Variants in PABIR3 observed in about 807,000 individuals in gnomAD.
PABIR3 encodes the protein PABIR family member 1.
PABIR3 carries 20 observed loss-of-function variants against 23.1 expected under a neutral mutation model. The ratio of observed to expected loss-of-function variants is 0.86; its 90% CI spans 0.61 to 1.26. The LOEUF is 1.26. Ranked by LOEUF, PABIR3 falls within the 50% of genes most tolerant of loss-of-function variation. PABIR3 has a pLI of 0.00. For missense variants in PABIR3, 189 were observed against 195.4 expected (o/e 0.97, Z 0.20); for synonymous variants, 69 against 68.5 (o/e 1.01, Z -0.04).
At chrX:134,847,592 A>T (rs1463202257) in intron 7 of PABIR3, 117 bp downstream of exon 7, 1 of 510,437 alleles carries the variant, frequency 2.0e-6, no homozygotes, top group Non-Finnish European at 3.2e-6. Flanking sequence ...AGTACATCTG[A>T]TTCTAACTAA....
intron 8 of PABIR3, among the ~76,000 whole-genome samples, chrX:134,848,345 G>A (rs1256837454): frequency 3.7e-5 from 4 of 108,658 alleles, no homozygotes; most frequent in African/African-American, 1.3e-4. Flanking sequence ...AGCTGAGATC[G>A]TGCCATTGCC....
chrX:134,804,018 G>T, upstream of PABIR3: 1 of 302,245 alleles, frequency 3.3e-6, no homozygotes, highest in Non-Finnish European at 5.9e-6. Context: ...GTAACTAAAG[G>T]TTACAACGTA....
chrX:134,845,587 A>G (rs1302365677), intron 6 of PABIR3, among the ~76,000 whole-genome samples, 186 bp downstream of exon 6: 5 of 110,972 alleles, frequency 4.5e-5, no homozygotes, highest in Non-Finnish European at 9.4e-5. Flanking sequence ...AGGTCTCACT[A>G]TGTTGTCCAG....
the PABIR3 span, among the ~76,000 whole-genome samples, chrX:134,860,776 C>T: frequency 8.9e-6 from 1 of 111,925 alleles, no homozygotes; most frequent in African/African-American, 3.2e-5. Context: ...GAAGTCTTGA[C>T]ACATGTTGCA....
At chrX:134,827,335 G>A (rs1332858594) in intron 3 of PABIR3, among the ~76,000 whole-genome samples, 1 of 110,821 alleles carries the variant, frequency 9.0e-6, no homozygotes, top group Admixed American at 9.7e-5. Context: ...GCCTTTCATG[G>A]CCACACTCCA....
At chrX:134,822,307 G>A (rs1181431376) in intron 3 of PABIR3, 3 of 749,769 alleles carry the variant, frequency 4.0e-6, no homozygotes, top group Non-Finnish European at 4.7e-6. Context: ...CTTTGCAAAC[G>A]CCACTTGTAG....
intron 2 of PABIR3, chrX:134,808,205 T>A (rs2080359473): frequency 1.0e-5 from 3 of 295,890 alleles, no homozygotes; most frequent in Middle Eastern, 8.8e-4. Context: ...TTTGTCTTTT[T>A]TTGAGACGGA....
intron 6 of PABIR3, among the ~76,000 whole-genome samples, chrX:134,845,834 A>T (rs1367334736): frequency 8.9e-6 from 1 of 112,543 alleles, no homozygotes; most frequent in Admixed American, 9.5e-5. Context: ...GCATAATAAA[A>T]GTTCAGTTGC....
intron 9 of PABIR3, among the ~76,000 whole-genome samples, chrX:134,849,770 G>A (rs1315711768): frequency 9.2e-6 from 1 of 108,713 alleles, no homozygotes. Context: ...AAGGGCAGTG[G>A]AAAGAATAAA....
intron 4 of PABIR3, among the ~76,000 whole-genome samples, chrX:134,838,438 C>T (rs1458099725): frequency 9.3e-6 from 1 of 107,764 alleles, no homozygotes; most frequent in Non-Finnish European, 1.9e-5. Context: ...CTCAGCCTCC[C>T]GTGTAGCTGG....
chrX:134,821,904 C>T (rs1487900679), intron 3 of PABIR3: 1 of 757,034 alleles, frequency 1.3e-6, no homozygotes, highest in East Asian at 1.4e-4. Flanking sequence ...GGCTTAAAAA[C>T]AGCAAACCTA....
At position 134,845,379 on chromosome X, in the gene PABIR3, C is replaced by T; in HGVS notation, c.323C>T (p.Ser108Phe). 1 of 1,203,075 alleles carries T rather than the reference C, an allele frequency of 8.3e-7. No homozygotes were observed. Among genetic ancestry groups the T allele is most frequent in the Non-Finnish European group, 1.1e-6 (1 of 892,748 alleles). ...CAAAGTGAGATACAGATAAGTCACT[C>T]TTGGGAAGAAGGCTTGAAACTGGTA... ...KLQSEIQISH[S>F]WEEGLKLNDN... The change falls in exon 6 of 11, where the codon TCT (serine) becomes TTT (phenylalanine). Residue 108 changes from serine to phenylalanine, a missense_variant. Coordinates refer to ENST00000645433, the MANE Select transcript of PABIR3 (RefSeq NM_001388447.1).
chrX:134,860,975 G>A, the PABIR3 span, among the ~76,000 whole-genome samples: 1 of 111,951 alleles, frequency 8.9e-6, no homozygotes, highest in Non-Finnish European at 1.9e-5. Context: ...TTTCTGTTTG[G>A]GGTGATAAAA....
At chrX:134,822,382 T>A in intron 3 of PABIR3, 1 of 752,395 alleles carries the variant, frequency 1.3e-6, no homozygotes, top group Non-Finnish European at 1.6e-6. Context: ...CTCACATTAT[T>A]ACTAAAAGAA....
In PABIR3 at chrX:134,847,902, T is replaced by C; in HGVS notation, c.458T>C (p.Leu153Ser). 8.7e-7 allele frequency: 1 copy of C among 1,155,358 alleles called. No individual in the cohort carries two copies. Among genetic ancestry groups the C allele is most frequent in the Non-Finnish European group, 1.1e-6 (1 of 872,514 alleles). Residue 153 changes from leucine to serine, a missense_variant, in exon 8 of 11, where the codon TTA becomes TCA. Transcript: ENST00000645433. ...TTTTAGCAGTGTTTCTCTCCATCATTACAAACTTGTGTGAGTTGCACTGGT... is the reference window on the plus strand; with the variant it reads ...TTTTAGCAGTGTTTCTCTCCATCATCACAAACTTGTGTGAGTTGCACTGGT... ...KTGKQCFSPS[L>S]QTCVSCTGSP...
intron 9 of PABIR3, among the ~76,000 whole-genome samples, chrX:134,849,526 GAA>G (rs961197311): frequency 9.0e-6 from 1 of 111,503 alleles, no homozygotes; most frequent in African/African-American, 3.3e-5. Flanking sequence ...ACAATGTAGA[GAA>G]TAAATGAATG....
At chrX:134,841,664 A>C (rs2082237591) in intron 4 of PABIR3, among the ~76,000 whole-genome samples, 1 of 109,796 alleles carries the variant, frequency 9.1e-6, no homozygotes, top group Non-Finnish European at 1.9e-5. Flanking sequence ...CCCCATCTCT[A>C]CTAAAAATGC....
intron 2 of PABIR3, among the ~76,000 whole-genome samples, chrX:134,812,437 A>G (rs1271319821): frequency 1.8e-5 from 2 of 112,234 alleles, no homozygotes; most frequent in South Asian, 3.7e-4. Flanking sequence ...GTAGAATTAG[A>G]TACATCCATA....
chrX:134,805,743 C>G (rs772679572), upstream of PABIR3, among the ~76,000 whole-genome samples: 3 of 110,895 alleles, frequency 2.7e-5, no homozygotes, highest in South Asian at 1.1e-3. Context: ...ACTAAAAATA[C>G]AAAATTAGCT....
Sources: gnomAD v4.1 joint callset for allele counts (sites outside exome capture counted in the v4.1 genomes callset) on GRCh38, gnomAD v4.1.1 for gene constraint, MANE v1.5 for transcripts, NCBI Gene and HGNC (gene_info 2026-07-23, HGNC 2026-07-21) for gene names.